Variants in DNAH3 observed in about 807,000 individuals in gnomAD.
The protein encoded by DNAH3 is dynein axonemal heavy chain 3, also known as axonemal beta dynein heavy chain 3.
DNAH3 carries 332 observed loss-of-function variants against 432.5 expected under a neutral mutation model. The ratio of observed to expected loss-of-function variants is 0.77; its 90% CI spans 0.70 to 0.84. The LOEUF is 0.84. Ranked by LOEUF, DNAH3 falls within the 40% of genes least tolerant of loss-of-function variation. DNAH3 has a pLI of 0.00. For synonymous variants in DNAH3, 1,956 were observed against 1,900.2 expected, an observed-to-expected ratio of 1.03 and a Z score of -0.76; for missense variants, 4,861 against 5,114.0, an observed-to-expected ratio of 0.95 and a Z score of 1.51.
intron 1 of DNAH3, among the ~76,000 whole-genome samples, chr16:21,148,438 AT>A (rs1359862004): frequency 0.012 from 1,663 of 142,444 alleles, 36 homozygotes; most frequent in African/African-American, 0.04. Flanking sequence ...TATTATTATT[AT>A]TTATTTTTTT....
chr16:21,033,614 AAGAAG>A (rs1289005813), intron 36 of DNAH3, among the ~76,000 whole-genome samples: 1 of 152,190 alleles, frequency 6.6e-6, no homozygotes, highest in African/African-American at 2.4e-5. Context: ...GGAACAGGAA[AAGAAG>A]AGAATAGAAG....
At chr16:21,064,856 GGTAGGTGT>G (rs1161298715) in intron 24 of DNAH3, among the ~76,000 whole-genome samples, 4 of 107,470 alleles carry the variant, frequency 3.7e-5, no homozygotes, top group Non-Finnish European at 7.6e-5. Flanking sequence ...TAAATATTGA[GGTAGGTGT>G]GTGTGTGTGT....
At chr16:21,020,348 G>GTGTGTGTGTGTGTGTATATATATA in intron 40 of DNAH3, among the ~76,000 whole-genome samples, 1 of 69,156 alleles carries the variant, frequency 1.4e-5, no homozygotes, top group African/African-American at 6.4e-5. Context: ...TATAGTGTGT[G>GTGTGTGTGTGTGTGTATATATATA]TATATATATA....
At chr16:20,962,983 A>C (rs1173647703) in intron 53 of DNAH3, among the ~76,000 whole-genome samples, 1 of 152,178 alleles carries the variant, frequency 6.6e-6, no homozygotes, top group Non-Finnish European at 1.5e-5. Context: ...TAAGGAAAGA[A>C]CTTTGAATGA....
At chr16:21,156,596 C>T (rs2092899021) in intron 1 of DNAH3, among the ~76,000 whole-genome samples, 1 of 152,150 alleles carries the variant, frequency 6.6e-6, no homozygotes, top group African/African-American at 2.4e-5. Context: ...TCCCAAAAAC[C>T]CCATGCCTAA....
exon 34 of DNAH3, chr16:21,037,944 G>A: frequency 6.2e-7 from 1 of 1,614,182 alleles, no homozygotes. Flanking sequence ...GTTGTTCCGA[G>A]CACAGGCGGT....
chr16:20,987,878 CAAG>C (rs2086282591), intron 45 of DNAH3, 29 bp from the exon 46 acceptor site: 1 of 1,613,966 alleles, frequency 6.2e-7, no homozygotes, highest in African/African-American at 1.3e-5. Context: ...GCACAGTAGT[CAAG>C]GAGGGGCCAG....
chr16:21,133,397 C>T (rs929976030), intron 7 of DNAH3, among the ~76,000 whole-genome samples: 26 of 149,888 alleles, frequency 1.7e-4, no homozygotes, highest in African/African-American at 5.4e-4. Context: ...AACCCAAGCC[C>T]GCACACACTT....
At chr16:21,019,807 T>G (rs1229060403) in exon 41 of DNAH3, 1 of 1,614,136 alleles carries the variant, frequency 6.2e-7, no homozygotes. Context: ...CAGAGAAAGA[T>G]CTGTTGACTT....
chr16:21,095,081 G>C lies in DNAH3; in HGVS notation c.2665+2274C>G, dbSNP rs927899788. Among the ~76,000 whole-genome samples, 4 of 152,188 alleles carry C rather than the reference G, an allele frequency of 2.6e-5. No individual in the cohort carries two copies. The East Asian group carries it at 7.7e-4, about 29-fold the overall frequency. ...AAATGGACTAATACACTGATGAAGA[G>C]GTGGAACAACTGGAATTATCACACA... On this transcript the variant is annotated intron_variant, in intron 18 of 61. Coordinates refer to ENST00000261383, the Ensembl canonical transcript of DNAH3.
intron 14 of DNAH3, among the ~76,000 whole-genome samples, chr16:21,108,338 G>A (rs2091993637): frequency 6.6e-6 from 1 of 152,140 alleles, no homozygotes; most frequent in Admixed American, 6.6e-5. Context: ...ACATTTATTT[G>A]GATAAGGATG....
intron 47 of DNAH3, among the ~76,000 whole-genome samples, chr16:20,986,232 C>T (rs954064799): frequency 6.6e-6 from 1 of 151,102 alleles, no homozygotes; most frequent in Non-Finnish European, 1.5e-5. Flanking sequence ...TTGCTGGGCA[C>T]GGTGGCTCAT....
chr16:21,079,486 G>C (rs1367975564), intron 20 of DNAH3, among the ~76,000 whole-genome samples: 1 of 152,128 alleles, frequency 6.6e-6, no homozygotes, highest in East Asian at 1.9e-4. Context: ...AGCCAGGCAT[G>C]ATGGCAGGTG....
At chr16:21,099,429 G>A (rs1313489803) in intron 16 of DNAH3, among the ~76,000 whole-genome samples, 3 of 152,222 alleles carry the variant, frequency 2.0e-5, no homozygotes, top group Non-Finnish European at 4.4e-5. Flanking sequence ...GAGGGCTACT[G>A]TAGCTACAGT....
intron 34 of DNAH3, among the ~76,000 whole-genome samples, chr16:21,037,052 T>C (rs2089206539): frequency 6.6e-6 from 1 of 152,240 alleles, no homozygotes; most frequent in African/African-American, 2.4e-5. Context: ...AATCCCTGTG[T>C]AATCCCTGCA....
chr16:21,034,990 G>A (rs2089089497), intron 35 of DNAH3, among the ~76,000 whole-genome samples: 1 of 152,136 alleles, frequency 6.6e-6, no homozygotes, highest in Non-Finnish European at 1.5e-5. Context: ...CATTAAGTAG[G>A]GTTGACATTC....
chr16:21,053,347 G>A lies in DNAH3; in HGVS notation c.4039+1073C>T, dbSNP rs369796084. Among the ~76,000 whole-genome samples, 221 of 152,278 alleles carry A rather than the reference G, an allele frequency of 1.5e-3. 6 individuals are homozygous for A. In the South Asian group the frequency reaches 0.044, roughly 30 times the overall value. ...CTGATACATTCTCCCAAGGAAGAGG[G>A]TATAGGGCAGGAGTATGGTATGCCT... is the stretch of plus-strand genomic sequence containing the variant. On this transcript the variant is annotated intron_variant, in intron 28 of 61. Transcript: ENST00000261383.
At chr16:20,995,938 A>G (rs1187290084) in intron 44 of DNAH3, among the ~76,000 whole-genome samples, 1 of 152,214 alleles carries the variant, frequency 6.6e-6, no homozygotes, top group Admixed American at 6.5e-5. Flanking sequence ...TCTCAGGTCC[A>G]TTCCTTCCCG....
chr16:20,956,493 C>A (rs751930133), intron 54 of DNAH3, among the ~76,000 whole-genome samples: 6 of 152,264 alleles, frequency 3.9e-5, no homozygotes, highest in Non-Finnish European at 5.9e-5. Flanking sequence ...CCTCTTCACT[C>A]ATTTATGTTA....
Sources: gnomAD v4.1 joint callset for allele counts (sites outside exome capture counted in the v4.1 genomes callset) on GRCh38, gnomAD v4.1.1 for gene constraint, MANE v1.5 for transcripts, NCBI Gene and HGNC (gene_info 2026-07-23, HGNC 2026-07-21) for gene names.